The following CACNA2D1 variants were observed in gnomAD, a reference collection of about 807,000 sequenced individuals.
CACNA2D1 encodes calcium voltage-gated channel auxiliary subunit alpha2delta 1.
In CACNA2D1, 53 loss-of-function variants were observed where a neutral mutation model predicts 171.5. The ratio of observed to expected loss-of-function variants is 0.31; its 90% confidence interval spans 0.25 to 0.39. The LOEUF is 0.39. Ranked by LOEUF, CACNA2D1 falls within the 10% of genes least tolerant of loss-of-function variation. The pLI, the probability that CACNA2D1 is intolerant of heterozygous loss-of-function variation, is 1.00. For synonymous variants in CACNA2D1, 442 were observed against 443.1 expected (o/e 1.00, Z 0.03); for missense variants, 903 against 1,299.8 (o/e 0.69, Z 4.69).
rs1007007427 is a variant in CACNA2D1 at position 82,173,085 on chromosome 7, T to A, written c.295-2476A>T. ...CAGATCTTTCCTCCTTGGGAGTGCA[T>A]GAGAAAGTGCAATTCAACTGATCTG... is the stretch of plus-strand genomic sequence containing the variant. On this transcript the variant is annotated intron_variant, in intron 3 of 38. Coordinates refer to ENST00000356860, the MANE Select transcript of CACNA2D1 (RefSeq NM_000722.4). Among the ~76,000 whole-genome samples the A allele has an allele frequency of 2.0e-5, 3 of 152,002 alleles. No homozygotes were observed. The East Asian group carries it at 5.8e-4, about 30-fold the overall frequency.
At chr7:82,301,015 C>T (rs1014737881) in intron 3 of CACNA2D1, among the ~76,000 whole-genome samples, 1 of 152,134 alleles carries the variant, frequency 6.6e-6, no homozygotes, top group Non-Finnish European at 1.5e-5. Flanking sequence ...CAAATGTAGA[C>T]ATTGCAATTT....
upstream of CACNA2D1, chr7:82,443,850 AG>A: frequency 4.7e-6 from 1 of 214,634 alleles, no homozygotes; most frequent in Non-Finnish European, 7.8e-6. Flanking sequence ...GCGGGGGCGG[AG>A]GAGGGGTGAC....
intron 1 of CACNA2D1, among the ~76,000 whole-genome samples, chr7:82,398,643 T>C (rs1317172063): frequency 6.6e-6 from 1 of 151,514 alleles, no homozygotes; most frequent in East Asian, 1.9e-4. Context: ...AATGGCATAA[T>C]CATAGCTCAC....
rs533137616 is a variant in CACNA2D1 at position 82,234,825 on chromosome 7, T to A, written c.295-64216A>T. ...GTTTTCCCCATACATGTTACACATT[T>A]GAAGCAAGATACTTTTCCCTACTTC... is the stretch of plus-strand genomic sequence containing the variant. On this transcript the variant is annotated intron_variant, in intron 3 of 38. Coordinates refer to ENST00000356860, the MANE Select transcript of CACNA2D1 (RefSeq NM_000722.4). Among the ~76,000 whole-genome samples, 3 of 152,328 alleles carry A rather than the reference T, an allele frequency of 2.0e-5. No homozygotes were observed. In the South Asian group the frequency reaches 6.2e-4, roughly 32 times the overall value.
At chr7:82,138,425 A>C (rs1791932765) in intron 4 of CACNA2D1, among the ~76,000 whole-genome samples, 2 of 117,364 alleles carry the variant, frequency 1.7e-5, no homozygotes, top group Non-Finnish European at 3.5e-5. Context: ...TTATAGCATT[A>C]GTTTTGTTTT....
intron 3 of CACNA2D1, among the ~76,000 whole-genome samples, chr7:82,218,499 T>C (rs1270692024): frequency 1.3e-5 from 2 of 152,200 alleles, no homozygotes; most frequent in African/African-American, 4.8e-5. Flanking sequence ...TTTGATAATA[T>C]GTCCTGGTAA....
intron 20 of CACNA2D1, among the ~76,000 whole-genome samples, chr7:81,994,235 C>T (rs540582083): frequency 6.6e-6 from 1 of 152,100 alleles, no homozygotes; most frequent in Non-Finnish European, 1.5e-5. Flanking sequence ...ATGTACTCCA[C>T]ATCTGACTAA....
chr7:81,965,691 C>G lies in CACNA2D1; in HGVS notation c.2503-26G>C, dbSNP rs376388569. 7 of 1,417,846 alleles carry G rather than the reference C, an allele frequency of 4.9e-6. No homozygotes were observed. In the African/African-American group the frequency reaches 9.9e-5, roughly 20 times the overall value. 87.8% of individuals were successfully genotyped at this position (1,417,846 alleles called of 1,614,324 possible). On this transcript the variant is annotated intron_variant, in intron 31 of 38. Transcript: ENST00000356860. ...CTATCAAAATAAAGTGAACAGTTAA[C>G]ACATTTTTAGAAAGGTTAGGAGGCT...
chr7:82,390,275 G>T (rs1243286676), intron 1 of CACNA2D1, among the ~76,000 whole-genome samples: 1 of 151,938 alleles, frequency 6.6e-6, no homozygotes, highest in African/African-American at 2.4e-5. Flanking sequence ...TATTTCTTTG[G>T]AGTAAAAAGA....
At chr7:82,124,899 A>G (rs1489938035) in intron 5 of CACNA2D1, among the ~76,000 whole-genome samples, 1 of 152,222 alleles carries the variant, frequency 6.6e-6, no homozygotes, top group Non-Finnish European at 1.5e-5. Context: ...TTTTTAAAAA[A>G]AAAATGCTAG....
chr7:82,021,830 A>C (rs1014131608), intron 12 of CACNA2D1, among the ~76,000 whole-genome samples: 9 of 152,130 alleles, frequency 5.9e-5, no homozygotes, highest in Admixed American at 5.2e-4. Context: ...TGACTGGGGG[A>C]AAATCCCTCT....
intron 13 of CACNA2D1, among the ~76,000 whole-genome samples, chr7:82,013,748 T>G (rs1800081771): frequency 6.6e-6 from 1 of 151,868 alleles, no homozygotes; most frequent in Non-Finnish European, 1.5e-5. Flanking sequence ...TAGGTATTCT[T>G]CTATGAAGGA....
chr7:82,100,817 GAACTTTTT>G lies in CACNA2D1; in HGVS notation c.527-15925_527-15918del, dbSNP rs533060054. ...TATTTTAGACCAAGATTGATTTCCT[GAACTTTTT>G]AACTTTTTTTTTTTTTCTGGCAAAT... On this transcript the variant is annotated intron_variant, in intron 6 of 38. Coordinates refer to ENST00000356860, the MANE Select transcript of CACNA2D1 (RefSeq NM_000722.4). Among the ~76,000 whole-genome samples, 1,365 of 142,214 alleles carry G rather than the reference GAACTTTTT, an allele frequency of 9.6e-3. 12 individuals are homozygous for G. Among genetic ancestry groups the G allele is most frequent in the African/African-American group, 0.032 (1,262 of 40,000 alleles). 93.3% of individuals were successfully genotyped at this position (142,214 alleles called of 152,430 possible). A position where few individuals can be genotyped will look rare whatever the true frequency, so the allele number is the denominator to read the frequency against.
At chr7:82,088,696 A>G (rs1182428122) in intron 6 of CACNA2D1, among the ~76,000 whole-genome samples, 1 of 152,164 alleles carries the variant, frequency 6.6e-6, no homozygotes, top group African/African-American at 2.4e-5. Flanking sequence ...TGATTTGGCA[A>G]GATATATTTA....
At chr7:82,073,542 A>G (rs893136541) in intron 7 of CACNA2D1, among the ~76,000 whole-genome samples, 3 of 152,198 alleles carry the variant, frequency 2.0e-5, no homozygotes, top group Non-Finnish European at 4.4e-5. Context: ...TATCTGTGAG[A>G]ACAAAATAAA....
At chr7:82,218,575 T>G (rs1419751011) in intron 3 of CACNA2D1, among the ~76,000 whole-genome samples, 1 of 152,194 alleles carries the variant, frequency 6.6e-6, no homozygotes, top group African/African-American at 2.4e-5. Flanking sequence ...TTGTAGATTT[T>G]TTTAAAGTTA....
chr7:82,183,748 T>C (rs559062935), intron 3 of CACNA2D1, among the ~76,000 whole-genome samples: 1 of 152,182 alleles, frequency 6.6e-6, no homozygotes, highest in South Asian at 2.1e-4. Context: ...TCTTTTATTT[T>C]ATGGAAGGTC....
chr7:82,439,597 AT>A (rs1022761260), intron 1 of CACNA2D1, among the ~76,000 whole-genome samples: 14 of 151,518 alleles, frequency 9.2e-5, no homozygotes, highest in East Asian at 1.9e-4. Flanking sequence ...ATTTTCTTAC[AT>A]TTTTTTCAAA....
intron 3 of CACNA2D1, among the ~76,000 whole-genome samples, chr7:82,300,422 T>C (rs2129424592): frequency 6.6e-6 from 1 of 152,230 alleles, no homozygotes; most frequent in East Asian, 1.9e-4. Flanking sequence ...GAAAAGCTCT[T>C]TCATCATGTA....
Sources: gnomAD v4.1 joint callset for allele counts (sites outside exome capture counted in the v4.1 genomes callset) on GRCh38, gnomAD v4.1.1 for gene constraint, MANE v1.5 for transcripts, NCBI Gene and HGNC (gene_info 2026-07-23, HGNC 2026-07-21) for gene names.